WDFY2: variants seen among roughly 807,000 people sequenced by gnomAD.
WDFY2 encodes WD repeat and FYVE domain containing 2, also known as WD repeat and FYVE domain-containing protein 2.
In WDFY2, 36 loss-of-function variants were observed where a neutral mutation model predicts 56.4. That is an observed-to-expected ratio of 0.64 (90% CI 0.49 to 0.84). WDFY2 has a LOEUF of 0.84. WDFY2 is among the 40% of genes least tolerant of loss of function. WDFY2 has a pLI of 0.00. For synonymous variants in WDFY2, 176 were observed against 183.7 expected, an observed-to-expected ratio of 0.96 and a Z score of 0.34; for missense variants, 444 against 512.2, an observed-to-expected ratio of 0.87 and a Z score of 1.29.
chr13:51,585,201 C>T (rs184590546), intron 1 of WDFY2, among the ~76,000 whole-genome samples: 2 of 152,240 alleles, frequency 1.3e-5, no homozygotes, highest in East Asian at 3.8e-4. Flanking sequence ...TGAGCCGCCT[C>T]TGCAAGATAA....
intron 2 of WDFY2, among the ~76,000 whole-genome samples, chr13:51,671,776 CTTTTTTTTTTTTTTTTT>C (rs564584742): frequency 0.05 from 3,138 of 62,238 alleles, 147 homozygotes; most frequent in Admixed American, 0.076. Flanking sequence ...GTTGCATTTG[CTTTTTTTTTTTTTTTTT>C]TTTTTTTTGA....
intron 7 of WDFY2, among the ~76,000 whole-genome samples, chr13:51,740,891 G>T (rs1055645571): frequency 2.0e-5 from 3 of 152,126 alleles, no homozygotes; most frequent in Non-Finnish European, 4.4e-5. Flanking sequence ...TTATTTGTAC[G>T]CAGTGGTTAA....
intron 1 of WDFY2, among the ~76,000 whole-genome samples, chr13:51,631,048 G>A (rs1345451477): frequency 1.3e-5 from 2 of 150,240 alleles, no homozygotes; most frequent in African/African-American, 2.4e-5. Flanking sequence ...CCAAAGTACT[G>A]GGATTACAGG....
intron 2 of WDFY2, among the ~76,000 whole-genome samples, chr13:51,673,344 C>G (rs564179106): frequency 4.3e-4 from 65 of 152,270 alleles, no homozygotes; most frequent in Admixed American, 1.2e-3. Context: ...AAGTGGGCAG[C>G]TAAATGATAA....
Position 51,766,900 on chromosome 13 carries a change from T to G in WDFY2, c.*7131T>G, listed in dbSNP as rs1420692360. The G allele has an allele frequency of 1.3e-5, 2 of 152,198 alleles. No homozygotes were observed. Among genetic ancestry groups the G allele is most frequent in the African/African-American group, 4.8e-5 (2 of 41,318 alleles). 9.4% of individuals were successfully genotyped at this position (152,198 alleles called of 1,614,324 possible). ...CTGTCCAGTTGGTGGGAGGGGGAGG[T>G]TCCAGACCACTCCACCTGCTGTCTA... On this transcript the variant is annotated 3_prime_UTR_variant, in exon 12 of 12. Transcript: ENST00000298125.
intron 1 of WDFY2, among the ~76,000 whole-genome samples, chr13:51,629,826 C>CT (rs11432630): frequency 0.87 from 109,256 of 125,538 alleles, 47,435 homozygotes; most frequent in South Asian, 0.93. Flanking sequence ...TCTTTCTTTT[C>CT]TTTTTTTTTT....
intron 7 of WDFY2, among the ~76,000 whole-genome samples, chr13:51,746,173 G>C (rs527947055): frequency 1.2e-3 from 180 of 151,640 alleles, no homozygotes; most frequent in African/African-American, 3.5e-3. Context: ...GTAGAGACAG[G>C]GTTTCTCCAC....
At chr13:51,701,246 G>T (rs998147486) in intron 3 of WDFY2, among the ~76,000 whole-genome samples, 1 of 152,080 alleles carries the variant, frequency 6.6e-6, no homozygotes, top group Admixed American at 6.5e-5. Flanking sequence ...AACAAGGCTG[G>T]GTGTGGTGGC....
At chr13:51,641,694 C>T (rs1315349542) in intron 1 of WDFY2, among the ~76,000 whole-genome samples, 8 of 149,422 alleles carry the variant, frequency 5.4e-5, no homozygotes, top group African/African-American at 1.5e-4. Flanking sequence ...GGCGTAGTGG[C>T]GGGCGCCTGT....
intron 1 of WDFY2, among the ~76,000 whole-genome samples, chr13:51,649,423 CTT>C (rs869208487): frequency 4.3e-5 from 6 of 139,782 alleles, no homozygotes; most frequent in Non-Finnish European, 1.6e-5. Flanking sequence ...AGCGGTCAGA[CTT>C]TTTTTTTTTT....
intron 3 of WDFY2, among the ~76,000 whole-genome samples, chr13:51,691,472 G>C (rs1047675531): frequency 2.7e-5 from 4 of 150,444 alleles, no homozygotes; most frequent in Non-Finnish European, 4.4e-5. Context: ...CCCATTGCTT[G>C]TTTTTCTCAG....
chr13:51,717,013 G>T (rs1952368637), intron 4 of WDFY2, among the ~76,000 whole-genome samples: 1 of 152,132 alleles, frequency 6.6e-6, no homozygotes, highest in Non-Finnish European at 1.5e-5. Flanking sequence ...ACTAGGACTA[G>T]AGGGGAGCTT....
chr13:51,632,568 T>G (rs1055673781), intron 1 of WDFY2, among the ~76,000 whole-genome samples: 1 of 152,190 alleles, frequency 6.6e-6, no homozygotes, highest in Non-Finnish European at 1.5e-5. Context: ...CAGTCTGCAT[T>G]TCAGTGCATC....
intron 1 of WDFY2, among the ~76,000 whole-genome samples, chr13:51,637,173 G>A (rs1388074704): frequency 6.6e-6 from 1 of 152,222 alleles, no homozygotes; most frequent in Non-Finnish European, 1.5e-5. Context: ...AGCATGTGCA[G>A]GGACATAGAG....
Position 51,648,139 on chromosome 13 carries a change from G to A in WDFY2, c.138-12457G>A, listed in dbSNP as rs376883837. Among the ~76,000 whole-genome samples the A allele has an allele frequency of 3.3e-5, 5 of 152,280 alleles. No homozygotes were observed. In the East Asian group the frequency reaches 9.6e-4, roughly 29 times the overall value. On this transcript the variant is annotated intron_variant, in intron 1 of 11. Coordinates refer to ENST00000298125, the MANE Select transcript of WDFY2 (RefSeq NM_052950.4). ...GGCAGGCACTGAATTTAGTCCTTTG[G>A]AGAGAGTTGGGGTGAGATGGGAGGC... is the stretch of plus-strand genomic sequence containing the variant.
At chr13:51,590,888 A>G (rs1954031126) in intron 1 of WDFY2, 1 of 152,196 alleles carries the variant, frequency 6.6e-6, no homozygotes, top group South Asian at 2.1e-4. Context: ...CTTAGTAAAA[A>G]TTAATTCAGA....
chr13:51,721,501 A>C (rs555081719), intron 5 of WDFY2, among the ~76,000 whole-genome samples: 10 of 152,240 alleles, frequency 6.6e-5, no homozygotes, highest in African/African-American at 2.4e-4. Context: ...TAACCACCAC[A>C]GCTCCTCCCT....
intron 5 of WDFY2, among the ~76,000 whole-genome samples, chr13:51,722,054 GTTGT>G (rs1332365373): frequency 5.0e-5 from 7 of 141,112 alleles, no homozygotes; most frequent in South Asian, 2.2e-4. Flanking sequence ...GTCGTTGTTT[GTTGT>G]TTGTTTGTTT....
In WDFY2 at chr13:51,706,566, G is replaced by A. The variant is rs558265904; in HGVS notation, c.334+2916G>A. On this transcript the variant is annotated intron_variant, in intron 4 of 11. Transcript: ENST00000298125. ...AAATTTATTCCTGACCCCAACTCTG[G>A]ATAGAGGATGGAATTTTACCTCGAT... is the stretch of plus-strand genomic sequence containing the variant. Among the ~76,000 whole-genome samples, 7 of 152,330 alleles carry A rather than the reference G, an allele frequency of 4.6e-5. No homozygotes were observed. The East Asian group carries it at 9.6e-4, about 21-fold the overall frequency.
Sources: allele counts gnomAD v4.1 joint callset (sites outside exome capture counted in the v4.1 genomes callset), GRCh38; gene constraint gnomAD v4.1.1; transcripts MANE v1.5; gene names NCBI Gene and HGNC (gene_info 2026-07-23, HGNC 2026-07-21).